IL1R2: variants seen among roughly 807,000 people sequenced by gnomAD.
The protein encoded by IL1R2 is interleukin-1 receptor type 2.
Under a neutral mutation model 39.5 loss-of-function variants are expected in IL1R2, and 46 were observed. The observed-to-expected ratio is 1.16, with a 90% CI of 0.92 to 1.49. The LOEUF is 1.49. IL1R2 is among the 40% of genes most tolerant of loss of function. The pLI, the probability that IL1R2 is intolerant of heterozygous loss-of-function variation, is 0.00. For missense variants in IL1R2, 537 were observed against 502.0 expected (o/e 1.07, Z -0.67); for synonymous variants, 207 against 189.6 (o/e 1.09, Z -0.75).
At position 102,024,558 on chromosome 2, in the gene IL1R2, G is replaced by A; in HGVS notation, c.777G>A (p.Lys259=). The part of the protein sequence containing the change: ...SLGSRLTIPC[K]VFLGTGTPLT... ...GGTCAAGACTGACAATCCCGTGTAA[G>A]GTGTTTCTGGGAACCGGCACACCCT... Residue 259 remains lysine, a synonymous_variant, in exon 7 of 9, where the codon AAG becomes AAA. Transcript: ENST00000332549. The A allele has an allele frequency of 6.2e-7, 1 of 1,614,066 alleles. No homozygotes were observed. Among genetic ancestry groups the A allele is most frequent in the Non-Finnish European group, 8.5e-7 (1 of 1,180,004 alleles).
chr2:102,022,682 T>A (rs759660900), intron 6 of IL1R2, among the ~76,000 whole-genome samples: 1 of 152,204 alleles, frequency 6.6e-6, no homozygotes, highest in Non-Finnish European at 1.5e-5. Context: ...TGGGCTCAGC[T>A]GTGGTCAGTT....
At position 102,009,750 on chromosome 2, in the gene IL1R2, A is replaced by G. The variant is rs1295970737; in HGVS notation, c.256A>G (p.Met86Val). 6.2e-7 allele frequency: 1 copy of G among 1,614,158 alleles called. No homozygotes were observed. Among genetic ancestry groups the G allele is most frequent in the Non-Finnish European group, 8.5e-7 (1 of 1,180,028 alleles). Residue 86 changes from methionine (M) to valine (V), a missense_variant, in exon 3 of 9, where the codon ATG (methionine) becomes GTG (valine). By Grantham distance (21) the Met-to-Val change is conservative (BLOSUM62 1). Coordinates refer to ENST00000332549, the MANE Select transcript of IL1R2 (RefSeq NM_004633.4). ...GGTCCCAGGAGAAGAAGAGACACGG[A>G]TGTGGGCCCAGGACGGTGCTCTGTG... ...RTVPGEEETR[M>V]WAQDGALWLL...
chr2:102,002,989 G>A (rs867171565), intron 1 of IL1R2, among the ~76,000 whole-genome samples: 22 of 106,112 alleles, frequency 2.1e-4, no homozygotes, highest in Admixed American at 1.2e-3. Flanking sequence ...TGTCTGTGTC[G>A]GTGTCTATGT....
chr2:102,013,752 A>C (rs1388440237), intron 3 of IL1R2, among the ~76,000 whole-genome samples: 1 of 152,116 alleles, frequency 6.6e-6, no homozygotes, highest in Non-Finnish European at 1.5e-5. Flanking sequence ...AGGAGCAGTC[A>C]CAGTCACTAT....
chr2:102,021,806 G>A lies in IL1R2; in HGVS notation c.689-381G>A, dbSNP rs1178634959. The stretch of plus-strand genomic sequence containing the variant: ...TGAGTATTTTGTGGCAGGCACTTTG[G>A]AGAGGTGGAGAAGGTATTTTAGGTC... On this transcript the variant is annotated intron_variant, in intron 5 of 8. Coordinates refer to ENST00000332549, the MANE Select transcript of IL1R2 (RefSeq NM_004633.4). Among the ~76,000 whole-genome samples the A allele has an allele frequency of 1.2e-4, 19 of 152,234 alleles. No homozygotes were observed. The South Asian group carries it at 3.3e-3, about 26-fold the overall frequency.
At chr2:102,003,816 T>G (rs193049020) in intron 1 of IL1R2, among the ~76,000 whole-genome samples, 42 of 40,554 alleles carry the variant, frequency 1.0e-3, no homozygotes, top group Non-Finnish European at 1.5e-3. Context: ...CTGTGCTGTG[T>G]CTGTGTCTGT....
chr2:102,024,792 GT>G, intron 7 of IL1R2, 124 bp downstream of exon 7: 2 of 1,199,280 alleles, frequency 1.7e-6, no homozygotes, highest in Non-Finnish European at 2.2e-6. Flanking sequence ...ACTGTTGGAT[GT>G]TTAGAATTTA....
At chr2:102,024,791 T>A (rs1677634842) in intron 7 of IL1R2, 123 bp downstream of exon 7, 2 of 1,201,420 alleles carry the variant, frequency 1.7e-6, no homozygotes, top group East Asian at 2.7e-5. Context: ...AACTGTTGGA[T>A]GTTTAGAATT....
At chr2:102,006,169 G>T (rs1016837631) in intron 1 of IL1R2, among the ~76,000 whole-genome samples, 1 of 152,102 alleles carries the variant, frequency 6.6e-6, no homozygotes, top group African/African-American at 2.4e-5. Flanking sequence ...TGTTCTAATG[G>T]TGCACTAATG....
chr2:102,018,589 C>G (rs1577721916), intron 4 of IL1R2, among the ~76,000 whole-genome samples: 1 of 152,190 alleles, frequency 6.6e-6, no homozygotes. Flanking sequence ...AATAATGATA[C>G]CTATTACTGC....
Position 102,006,999 on chromosome 2 carries a change from C to A in IL1R2, c.-61-1516C>A, listed in dbSNP as rs150214340. Among the ~76,000 whole-genome samples the A allele has an allele frequency of 4.0e-3, 610 of 152,322 alleles. 7 individuals carry two copies. Among genetic ancestry groups the A allele is most frequent in the African/African-American group, 0.014 (563 of 41,580 alleles). ...GACACCCATGGAGCAGACTTGGACCCCATCTGCCGCTCAGAGCCAGGCCTA... is the reference window on the plus strand; with the variant it reads ...GACACCCATGGAGCAGACTTGGACCACATCTGCCGCTCAGAGCCAGGCCTA... On this transcript the variant is annotated intron_variant, in intron 1 of 8. Coordinates refer to ENST00000332549, the MANE Select transcript of IL1R2 (RefSeq NM_004633.4).
chr2:102,022,124 T>C (rs1299749747), intron 5 of IL1R2, 63 bp from the exon 6 acceptor site: 1 of 1,365,266 alleles, frequency 7.3e-7, no homozygotes, highest in African/African-American at 1.4e-5. Flanking sequence ...AAACAATGAC[T>C]TGAACCACAG....
chr2:102,011,547 G>A (rs1676637259), intron 3 of IL1R2, among the ~76,000 whole-genome samples: 1 of 152,202 alleles, frequency 6.6e-6, no homozygotes. Context: ...TGGAGACACA[G>A]ACATATCTCC....
intron 1 of IL1R2, among the ~76,000 whole-genome samples, chr2:102,002,780 A>ATGTT (rs1414506020): frequency 0.043 from 6,504 of 150,618 alleles, 513 homozygotes; most frequent in African/African-American, 0.15. Flanking sequence ...ATCTATATCT[A>ATGTT]TATCTATATC....
chr2:102,003,927 A>G (rs116022672), intron 1 of IL1R2, among the ~76,000 whole-genome samples: 56 of 143,036 alleles, frequency 3.9e-4, no homozygotes, highest in African/African-American at 1.5e-3. Flanking sequence ...GTGTATGTCT[A>G]GGTCTAGGTC....
chr2:102,022,110 A>T, intron 5 of IL1R2, 77 bp from the exon 6 acceptor site: 3 of 1,202,730 alleles, frequency 2.5e-6, no homozygotes, highest in Non-Finnish European at 3.7e-6. Flanking sequence ...TTAGTTGATT[A>T]GCCAAACAAT....
chr2:101,993,610 C>T (rs75488107), intron 1 of IL1R2, among the ~76,000 whole-genome samples: 6 of 152,188 alleles, frequency 3.9e-5, no homozygotes, highest in Admixed American at 3.3e-4. Context: ...CTGTTTCTCT[C>T]TTTCTGTCTC....
At chr2:102,013,939 T>G (rs1676827011) in intron 3 of IL1R2, among the ~76,000 whole-genome samples, 1 of 152,130 alleles carries the variant, frequency 6.6e-6, no homozygotes, top group Admixed American at 6.5e-5. Context: ...GAACTGGGCC[T>G]ATTTGGTGAG....
chr2:102,008,594 T>C lies in IL1R2; in HGVS notation c.19T>C (p.Leu7=). 5.6e-6 allele frequency: 9 copies of C among 1,614,074 alleles called. No homozygotes were observed. Among genetic ancestry groups the C allele is most frequent in the Non-Finnish European group, 6.8e-6 (8 of 1,179,958 alleles). ...AGGAGCAATGTTGCGCTTGTACGTGTTGGTAATGGGAGTTTCTGCCTTCAC... is the reference window on the plus strand; with the variant it reads ...AGGAGCAATGTTGCGCTTGTACGTGCTGGTAATGGGAGTTTCTGCCTTCAC... MLRLYV[L]VMGVSAFTLQ... Residue 7 remains leucine (L), a synonymous_variant, in exon 2 of 9, where the codon TTG becomes CTG. Coordinates refer to ENST00000332549, the MANE Select transcript of IL1R2 (RefSeq NM_004633.4).
Sources: gnomAD v4.1 joint callset for allele counts (sites outside exome capture counted in the v4.1 genomes callset) on GRCh38, gnomAD v4.1.1 for gene constraint, MANE v1.5 for transcripts, NCBI Gene and HGNC (gene_info 2026-07-23, HGNC 2026-07-21) for gene names.